The following LRP2 variants were observed in gnomAD, a reference collection of about 807,000 sequenced individuals.
The protein encoded by LRP2 is low-density lipoprotein receptor-related protein 2.
In LRP2, 172 loss-of-function variants were observed where a neutral mutation model predicts 531.0. That is an observed-to-expected ratio of 0.32 (90% confidence interval 0.29 to 0.37). The LOEUF is 0.37. Ranked by LOEUF, LRP2 falls within the 10% of genes least tolerant of loss-of-function variation. The pLI is 1.00. For missense variants in LRP2, 5,167 were observed against 5,868.3 expected, an observed-to-expected ratio of 0.88 and a Z score of 3.90; for synonymous variants, 1,992 against 2,027.6, an observed-to-expected ratio of 0.98 and a Z score of 0.47.
intron 3 of LRP2, among the ~76,000 whole-genome samples, chr2:169,312,023 C>G (rs906700752): frequency 9.2e-5 from 14 of 152,120 alleles, no homozygotes; most frequent in African/African-American, 3.1e-4. Context: ...GGATTGCAAC[C>G]CCTGCCTTTT....
At chr2:169,237,733 A>T (rs77885658) in intron 27 of LRP2, among the ~76,000 whole-genome samples, 1,579 of 152,318 alleles carry the variant, frequency 0.01, 28 homozygotes, top group African/African-American at 0.036. Context: ...TGGGAGATGG[A>T]TTGAGAAATA....
intron 48 of LRP2, 99 bp downstream of exon 48, chr2:169,191,733 G>T: frequency 1.0e-6 from 1 of 958,032 alleles, no homozygotes; most frequent in Non-Finnish European, 1.7e-6. Flanking sequence ...AGCATCATGG[G>T]CCCTGGGCAC....
At chr2:169,186,399 T>C (rs12478774) in intron 49 of LRP2, among the ~76,000 whole-genome samples, 3,298 of 152,280 alleles carry the variant, frequency 0.022, 45 homozygotes, top group Non-Finnish European at 0.031. Context: ...TCACTGAACA[T>C]GGAACCACAA....
rs1410051223 is a variant in LRP2 at position 169,238,501 on chromosome 2, T to A, written c.4295-199A>T. Among the ~76,000 whole-genome samples the A allele has an allele frequency of 2.1e-5, 3 of 141,982 alleles. No homozygotes were observed. The East Asian group carries it at 5.8e-4, about 27-fold the overall frequency. The allele number at this position is 141,982 out of a possible 152,430, so 93.1% of individuals were successfully genotyped here. On this transcript the variant is annotated intron_variant, in intron 26 of 78. Coordinates refer to ENST00000649046, the MANE Select transcript of LRP2 (RefSeq NM_004525.3). The stretch of plus-strand genomic sequence containing the variant: ...CTTAACCTTAATAGTTAGCTGGTTT[T>A]CATGAGTACTTAAAATAGACTCTTT...
chr2:169,301,301 A>AT (rs550642399), intron 4 of LRP2, among the ~76,000 whole-genome samples: 6 of 152,016 alleles, frequency 3.9e-5, no homozygotes, highest in Non-Finnish European at 7.4e-5. Context: ...TAATTGCTGC[A>AT]TTGTTCTGAT....
intron 30 of LRP2, among the ~76,000 whole-genome samples, chr2:169,232,780 A>G (rs929808957): frequency 5.3e-5 from 8 of 152,238 alleles, no homozygotes; most frequent in Non-Finnish European, 1.0e-4. Flanking sequence ...CTTTTGGACC[A>G]TAATGAAATC....
In LRP2 at chr2:169,138,568, C is replaced by T; in HGVS notation, c.13518+9G>A. 1 of 1,613,464 alleles carries T rather than the reference C, an allele frequency of 6.2e-7. No homozygotes were observed. The highest frequency in any genetic ancestry group is 8.5e-7 in the Non-Finnish European group (1 of 1,179,602). ...AACCTTCAAATAATCATTTTGAAAC[C>T]ATACTCACCATTGCCATTGACCTGT... On this transcript the variant is annotated intron_variant, in intron 75 of 78. Transcript: ENST00000649046.
At chr2:169,178,980 A>T (rs1394473503) in intron 52 of LRP2, among the ~76,000 whole-genome samples, 1 of 147,432 alleles carries the variant, frequency 6.8e-6, no homozygotes, top group Non-Finnish European at 1.5e-5. Context: ...ATTAGTCACC[A>T]TCTGATTTAT....
rs142423196 is a variant in LRP2 at position 169,220,638 on chromosome 2, A to C, written c.5539-75T>G. On this transcript the variant is annotated intron_variant, in intron 33 of 78. Transcript: ENST00000649046. ...AGGAAACTGAGATGAAGGAGAACTT[A>C]TGTACAAAACAAATTCCAAAGCACG... 1.3e-4 allele frequency: 128 copies of C among 967,776 alleles called. No homozygotes were observed. In the East Asian group the frequency reaches 3.1e-3, roughly 23 times the overall value. The allele number at this position is 967,776 out of a possible 1,614,324, so 59.9% of individuals were successfully genotyped here. A position where few individuals can be genotyped will look rare whatever the true frequency, so the allele number is the denominator to read the frequency against.
chr2:169,329,276 C>G (rs1685202167), intron 1 of LRP2, among the ~76,000 whole-genome samples: 1 of 152,176 alleles, frequency 6.6e-6, no homozygotes, highest in Non-Finnish European at 1.5e-5. Flanking sequence ...GGCGTGATCA[C>G]TCACGCCTGT....
Position 169,157,426 on chromosome 2 carries a change from G to C in LRP2, c.11964C>G (p.Ile3988Met), listed in dbSNP as rs1686372484. The change falls in exon 64 of 79, where the codon ATC becomes ATG. Residue 3988 changes from isoleucine to methionine, a missense_variant. Physicochemically the swap from Ile to Met is conservative, Grantham distance 10. Around this residue, in one of 6 missense-constraint regions of LRP2, gnomAD observed 564 missense variants for 747.7 expected, o/e 0.75. Transcript: ENST00000649046. ...NCTQLNEGGF[I>M]CSCTAGFETN... ...TTTCGAACCCAGCTGTACAGGAGCA[G>C]ATAAATCCTCCTTCATTTAATTGGG... 1 of 1,612,344 alleles carries C rather than the reference G, an allele frequency of 6.2e-7. No individual in the cohort carries two copies. The highest frequency in any genetic ancestry group is 8.5e-7 in the Non-Finnish European group (1 of 1,178,768).
At chr2:169,282,198 A>C (rs1201056941) in intron 10 of LRP2, among the ~76,000 whole-genome samples, 1 of 152,244 alleles carries the variant, frequency 6.6e-6, no homozygotes, top group Non-Finnish European at 1.5e-5. Context: ...TAAGTTTCAG[A>C]AGACACCAAA....
chr2:169,246,841 G>T lies in LRP2; in HGVS notation c.3054C>A (p.Thr1018=), dbSNP rs2075249. 0.46 allele frequency: 749,093 copies of T among 1,613,768 alleles called. 178,683 individuals carry two copies. Among genetic ancestry groups the T allele is most frequent in the South Asian group, 0.66 (60,457 of 91,064 alleles). Residue 1018 remains threonine, a synonymous_variant, in exon 21 of 79, where the codon ACC becomes ACA. Transcript: ENST00000649046. The part of the protein sequence containing the change: ...SNHLTCEGDP[T]NEPPTEQCGL... ...CACACTGCTCTGTGGGTGGTTCATT[G>T]GTTGGGTCCCCCTCGCATGTCAAGT...
At chr2:169,169,268 C>T (rs1333012400) in intron 60 of LRP2, among the ~76,000 whole-genome samples, 1 of 152,128 alleles carries the variant, frequency 6.6e-6, no homozygotes, top group Non-Finnish European at 1.5e-5. Context: ...AGGGGCTGGC[C>T]CCCTTCAAGT....
chr2:169,229,682 C>T (rs1689331101), intron 31 of LRP2, among the ~76,000 whole-genome samples: 1 of 152,074 alleles, frequency 6.6e-6, no homozygotes, highest in Non-Finnish European at 1.5e-5. Flanking sequence ...TAAGTAGAAC[C>T]ATCTCATAAT....
chr2:169,188,382 C>T (rs1687709287), intron 48 of LRP2, 117 bp from the exon 49 acceptor site: 3 of 943,628 alleles, frequency 3.2e-6, no homozygotes, highest in South Asian at 1.4e-5. Context: ...ACCATTTCGA[C>T]AAGATCACCA....
At chr2:169,330,262 G>A (rs1381951703) in intron 1 of LRP2, among the ~76,000 whole-genome samples, 1 of 152,172 alleles carries the variant, frequency 6.6e-6, no homozygotes, top group Non-Finnish European at 1.5e-5. Context: ...AATCCAGTCA[G>A]CTCTCAAGAT....
intron 16 of LRP2, among the ~76,000 whole-genome samples, chr2:169,260,818 T>G (rs566579020): frequency 6.6e-6 from 1 of 151,734 alleles, no homozygotes; most frequent in African/African-American, 2.4e-5. Flanking sequence ...AACAACAGAT[T>G]TACAGTTTTT....
chr2:169,291,033 G>A (rs369917777), intron 7 of LRP2, 36 bp from the exon 8 acceptor site: 61 of 1,603,162 alleles, frequency 3.8e-5, no homozygotes, highest in Non-Finnish European at 5.2e-5. Flanking sequence ...CAGGCCATAG[G>A]GGAGGTACAG....
Sources: gnomAD v4.1 joint callset for allele counts (sites outside exome capture counted in the v4.1 genomes callset) on GRCh38, gnomAD v4.1.1 for gene constraint, gnomAD v4.1.1 regional missense constraint, MANE v1.5 for transcripts, NCBI Gene and HGNC (gene_info 2026-07-23, HGNC 2026-07-21) for gene names.